PFN1: variants seen among roughly 807,000 people sequenced by gnomAD.
The protein encoded by PFN1 is profilin-1.
A neutral mutation model predicts 11.7 loss-of-function variants in PFN1; 2 were observed. The ratio of observed to expected loss-of-function variants is 0.17; its 90% CI spans 0.07 to 0.54. The LOEUF (loss-of-function observed/expected upper bound fraction) is 0.54, where lower values mean the gene tolerates loss of function less well. Ranked by LOEUF, PFN1 falls within the 20% of genes least tolerant of loss-of-function variation. The pLI, the probability that PFN1 is intolerant of heterozygous loss-of-function variation, is 0.94. For synonymous variants in PFN1, 78 were observed against 76.2 expected (o/e 1.02, Z -0.12); for missense variants, 97 against 188.4 (o/e 0.51, Z 2.84).
Position 4,945,768 on chromosome 17 carries a change from C to T in PFN1, c.*132G>A, listed in dbSNP as rs1417970074. The T allele has an allele frequency of 4.7e-6, 3 of 639,768 alleles. No individual in the cohort carries two copies. The highest frequency in any genetic ancestry group is 8.7e-6 in the Non-Finnish European group (3 of 344,396). 39.6% of individuals were successfully genotyped at this position (639,768 alleles called of 1,614,324 possible). ...GTGTCTGTCCATCCAGCCCTGGCCC[C>T]CAGCCCATGTGGTTTTGGCAGCAAT... is the stretch of plus-strand genomic sequence containing the variant. On this transcript the variant is annotated 3_prime_UTR_variant, in exon 3 of 3. Coordinates refer to ENST00000225655, the MANE Select transcript of PFN1 (RefSeq NM_005022.4).
intron 1 of PFN1, chr17:4,948,049 G>C: frequency 2.1e-6 from 1 of 487,070 alleles, no homozygotes; most frequent in Non-Finnish European, 3.5e-6. Flanking sequence ...GGAAAGCGGG[G>C]TAGCGGGCGG....
rs764748440 is a variant in PFN1, at chr17:4,948,379, C to T, written c.16G>A (p.Ala6Thr). The T allele has an allele frequency of 3.7e-6, 6 of 1,606,568 alleles. No homozygotes were observed. The Admixed American group carries it at 6.7e-5, about 18-fold the overall frequency. The change falls in exon 1 of 3, where the codon GCC (alanine) becomes ACC (threonine). Residue 6 changes from alanine to threonine, a missense_variant. Physicochemically the swap from Ala to Thr is moderately conservative, Grantham distance 58 (BLOSUM62 0). Coordinates refer to ENST00000225655, the MANE Select transcript of PFN1 (RefSeq NM_005022.4). Reference protein sequence around the residue: MAGWNAYIDNLMADGT... With the variant: MAGWNTYIDNLMADGT... Reference sequence around the variant, plus strand: ...TCCGCCATGAGGTTGTCGATGTAGGCGTTCCACCCGGCCATGGCGCTGCTA... The same window carrying T: ...TCCGCCATGAGGTTGTCGATGTAGGTGTTCCACCCGGCCATGGCGCTGCTA...
intron 1 of PFN1, chr17:4,948,023 T>G: frequency 2.3e-6 from 1 of 431,346 alleles, no homozygotes; most frequent in Non-Finnish European, 4.1e-6. Context: ...GTGCCCCGGA[T>G]GTAACGCCCC....
In PFN1 at chr17:4,945,732, G is replaced by T; in HGVS notation, c.*168C>A. On this transcript the variant is annotated 3_prime_UTR_variant, in exon 3 of 3. Transcript: ENST00000225655. ...TCCAACCACACACGGGAGGGATATG[G>T]GTAGGGGGAGGTGTCTGTCCATCCA... 1 of 556,632 alleles carries T rather than the reference G, an allele frequency of 1.8e-6. No individual in the cohort carries two copies. Among genetic ancestry groups the T allele is most frequent in the Non-Finnish European group, 3.3e-6 (1 of 303,202 alleles). The allele number at this position is 556,632 out of a possible 1,614,324, so 34.5% of individuals were successfully genotyped here.
At chr17:4,946,878 T>A in intron 1 of PFN1, 58 bp from the exon 2 acceptor site, 3 of 1,501,354 alleles carry the variant, frequency 2.0e-6, no homozygotes, top group Non-Finnish European at 2.7e-6. Flanking sequence ...TCCCACCGTG[T>A]TCTCCAAAGA....
In PFN1 at chr17:4,945,789, G is replaced by A; in HGVS notation, c.*111C>T. Reference sequence around the variant, plus strand: ...GCCCCCAGCCCATGTGGTTTTGGCAGCAATAAGGGGTATGGGGTAATGGCC... The same window carrying A: ...GCCCCCAGCCCATGTGGTTTTGGCAACAATAAGGGGTATGGGGTAATGGCC... On this transcript the variant is annotated 3_prime_UTR_variant, in exon 3 of 3. Coordinates refer to ENST00000225655, the MANE Select transcript of PFN1 (RefSeq NM_005022.4). The A allele has an allele frequency of 1.4e-6, 1 of 707,786 alleles. No homozygotes were observed. Among genetic ancestry groups the A allele is most frequent in the Non-Finnish European group, 2.5e-6 (1 of 394,648 alleles). The allele number at this position is 707,786 out of a possible 1,614,324, so 43.8% of individuals were successfully genotyped here.
In PFN1 at chr17:4,946,689, A is replaced by G. The variant is rs1567665846; in HGVS notation, c.264T>C (p.Leu88=). The change falls in exon 2 of 3, where the codon CTT becomes CTC. Residue 88 remains leucine, a synonymous_variant. Coordinates refer to ENST00000225655, the MANE Select transcript of PFN1 (RefSeq NM_005022.4). ...GGGCCCCACCGGTGCTCTTGGTACG[A>G]AGATCCATGCTAAATTCCCCATCCT... is the stretch of plus-strand genomic sequence containing the variant. ...LLQDGEFSMD[L]RTKSTGGAPT... is the part of the protein sequence containing the mutation. 6.2e-7 allele frequency: 1 copy of G among 1,614,122 alleles called. No individual in the cohort carries two copies. The highest frequency in any genetic ancestry group is 2.2e-5 in the East Asian group (1 of 44,880).
At chr17:4,948,188 G>A (rs975253740) in intron 1 of PFN1, 75 bp downstream of exon 1, 19 of 1,482,310 alleles carry the variant, frequency 1.3e-5, no homozygotes, top group Middle Eastern at 5.0e-4. Flanking sequence ...CCTAGACCGC[G>A]CCCGCCCCCA....
intron 2 of PFN1, 117 bp from the exon 3 acceptor site, chr17:4,946,114 A>G: frequency 1.5e-6 from 1 of 670,316 alleles, no homozygotes; most frequent in Non-Finnish European, 2.7e-6. Context: ...ATCTCTCCCA[A>G]CCCGCCCCCC....
chr17:4,945,844 G>C lies in PFN1; in HGVS notation c.*56C>G. 1.8e-6 allele frequency: 2 copies of C among 1,123,110 alleles called. No individual in the cohort carries two copies. Among genetic ancestry groups the C allele is most frequent in the Non-Finnish European group, 2.7e-6 (2 of 733,182 alleles). 69.6% of individuals were successfully genotyped at this position (1,123,110 alleles called of 1,614,324 possible). A position where few individuals can be genotyped will look rare whatever the true frequency, so the allele number is the denominator to read the frequency against. On this transcript the variant is annotated 3_prime_UTR_variant, in exon 3 of 3. Coordinates refer to ENST00000225655, the MANE Select transcript of PFN1 (RefSeq NM_005022.4). Reference sequence around the variant, plus strand: ...AAATAAAATGGTTTGTGTGTGTATGGGGAGGAAAGGGGTGCAAAGCTGTGG... The same window carrying C: ...AAATAAAATGGTTTGTGTGTGTATGCGGAGGAAAGGGGTGCAAAGCTGTGG...
At position 4,948,268 on chromosome 17, in the gene PFN1, T is replaced by A; in HGVS notation, c.127A>T (p.Ile43Phe). Residue 43 changes from isoleucine (I) to phenylalanine (F), a missense_variant, in exon 1 of 3, where the codon ATC becomes TTC. Transcript: ENST00000225655. ...CCGCGCAGGCCTCGCAGTACCGTGA[T>A]GTTGACGAACGTTTTCCCGGGGACG... is the stretch of plus-strand genomic sequence containing the variant. ...AAVPGKTFVN[I>F]TPAEVGVLVG... 1 of 1,607,642 alleles carries A rather than the reference T, an allele frequency of 6.2e-7. No homozygotes were observed.
intron 1 of PFN1, among the ~76,000 whole-genome samples, chr17:4,947,789 G>A (rs956569118): frequency 1.3e-5 from 2 of 152,140 alleles, no homozygotes; most frequent in African/African-American, 4.8e-5. Context: ...GCCCACAGAG[G>A]GTGGGCAAGG....
chr17:4,948,324 C>T lies in PFN1; in HGVS notation c.71G>A (p.Gly24Asp). Residue 24 changes from glycine to aspartate, a missense_variant, in exon 1 of 3, where the codon GGC becomes GAC. Coordinates refer to ENST00000225655, the MANE Select transcript of PFN1 (RefSeq NM_005022.4). ...DGTCQDAAIV[G>D]YKDSPSVWAA... is the part of the protein sequence containing the mutation. ...CCAGACGGAGGGCGAGTCCTTGTAG[C>T]CCACGATGGCCGCGTCCTGACAGGT... 1 of 1,610,848 alleles carries T rather than the reference C, an allele frequency of 6.2e-7. No homozygotes were observed. The highest frequency in any genetic ancestry group is 8.5e-7 in the Non-Finnish European group (1 of 1,179,128).
In PFN1 at chr17:4,945,753, A is replaced by G; in HGVS notation, c.*147T>C. On this transcript the variant is annotated 3_prime_UTR_variant, in exon 3 of 3. Transcript: ENST00000225655. ...TATGGGTAGGGGGAGGTGTCTGTCC[A>G]TCCAGCCCTGGCCCCCAGCCCATGT... 1.7e-6 allele frequency: 1 copy of G among 605,740 alleles called. No individual in the cohort carries two copies. The highest frequency in any genetic ancestry group is 3.1e-6 in the Non-Finnish European group (1 of 326,368). 37.5% of individuals were successfully genotyped at this position (605,740 alleles called of 1,614,324 possible).
intron 2 of PFN1, 56 bp from the exon 3 acceptor site, chr17:4,946,053 C>G (rs1014390963): frequency 8.3e-6 from 11 of 1,320,200 alleles, no homozygotes; most frequent in Non-Finnish European, 1.2e-5. Flanking sequence ...AATTCCACCC[C>G]CTGCCAGCTG....
chr17:4,946,002 A>AGGAGGAGGAAAGAG lies in PFN1; in HGVS notation c.326-19_326-6dup. The AGGAGGAGGAAAGAG allele has an allele frequency of 6.2e-7, 1 of 1,602,242 alleles. No homozygotes were observed. Among genetic ancestry groups the AGGAGGAGGAAAGAG allele is most frequent in the Non-Finnish European group, 8.6e-7 (1 of 1,169,550 alleles). On this transcript the variant is annotated splice_region_variant and splice_polypyrimidine_tract_variant and intron_variant, in intron 2 of 2. Transcript: ENST00000225655. ...TGCCCATCAGCAGGACTAGCGCTGGAGGAGGAGGAAAGAGAAAGGAGGCTA... is the reference window on the plus strand; with the variant it reads ...TGCCCATCAGCAGGACTAGCGCTGGAGGAGGAGGAAAGAGGGAGGAGGAAAGAGAAAGGAGGCTA...
Position 4,945,753 on chromosome 17 carries a change from A to C in PFN1, c.*147T>G, listed in dbSNP as rs1037771054. 19 of 605,630 alleles carry C rather than the reference A, an allele frequency of 3.1e-5. No homozygotes were observed. The highest frequency in any genetic ancestry group is 4.5e-4 in the Middle Eastern group (1 of 2,230). 37.5% of individuals were successfully genotyped at this position (605,630 alleles called of 1,614,324 possible). A position where few individuals can be genotyped will look rare whatever the true frequency, so the allele number is the denominator to read the frequency against. ...TATGGGTAGGGGGAGGTGTCTGTCCATCCAGCCCTGGCCCCCAGCCCATGT... is the reference window on the plus strand; with the variant it reads ...TATGGGTAGGGGGAGGTGTCTGTCCCTCCAGCCCTGGCCCCCAGCCCATGT... On this transcript the variant is annotated 3_prime_UTR_variant, in exon 3 of 3. Transcript: ENST00000225655.
intron 1 of PFN1, chr17:4,947,521 C>G (rs1325999202): frequency 1.4e-5 from 2 of 138,426 alleles, no homozygotes; most frequent in Non-Finnish European, 3.1e-5. Context: ...TTTTGAACTT[C>G]CGCTCCCCCT....
chr17:4,947,224 C>T (rs1218927845), intron 1 of PFN1: 1 of 152,876 alleles, frequency 6.5e-6, no homozygotes, highest in Non-Finnish European at 1.5e-5. Context: ...GCAAGAGAAG[C>T]AACTTTGCCC....
Sources: allele counts gnomAD v4.1 joint callset (sites outside exome capture counted in the v4.1 genomes callset), GRCh38; gene constraint gnomAD v4.1.1; transcripts MANE v1.5; gene names NCBI Gene and HGNC (gene_info 2026-07-23, HGNC 2026-07-21).